CNIH3: variants seen among roughly 807,000 people sequenced by gnomAD.
CNIH3 encodes cornichon family AMPA receptor auxiliary protein 3.
Under a neutral mutation model 24.1 loss-of-function variants are expected in CNIH3, and 14 were observed. The ratio of observed to expected loss-of-function variants is 0.58; its 90% confidence interval spans 0.38 to 0.91. The LOEUF is 0.91. CNIH3 is among the 40% of genes least tolerant of loss of function. CNIH3 has a pLI of 0.00. For synonymous variants in CNIH3, 68 were observed against 73.8 expected, an observed-to-expected ratio of 0.92 and a Z score of 0.40; for missense variants, 178 against 196.8, an observed-to-expected ratio of 0.90 and a Z score of 0.57.
At chr1:224,651,647 A>G (rs1212006729) in intron 1 of CNIH3, among the ~76,000 whole-genome samples, 2 of 152,184 alleles carry the variant, frequency 1.3e-5, no homozygotes, top group Admixed American at 6.5e-5. Flanking sequence ...ATAATGGCTC[A>G]TGGAGTCCCT....
chr1:224,722,758 G>A (rs555553346), intron 3 of CNIH3, among the ~76,000 whole-genome samples: 69 of 152,288 alleles, frequency 4.5e-4, no homozygotes, highest in Admixed American at 2.4e-3. Context: ...TAAAAGATGA[G>A]GAAGCTTAAA....
At chr1:224,700,562 C>G (rs140986357) in intron 3 of CNIH3, among the ~76,000 whole-genome samples, 1 of 152,282 alleles carries the variant, frequency 6.6e-6, no homozygotes, top group Non-Finnish European at 1.5e-5. Context: ...CTCATTATCC[C>G]AGATGTGCTT....
intron 1 of CNIH3, among the ~76,000 whole-genome samples, chr1:224,500,579 GGGAGGATGGCTTGAACTCAGGGGGC>G (rs1162521280): frequency 6.6e-6 from 1 of 152,074 alleles, no homozygotes; most frequent in African/African-American, 2.4e-5. Flanking sequence ...AGGCTGAGGA[GGGAGGATGGCTTGAACTCAGGGGGC>G]GGAGGTTGCA....
intron 1 of CNIH3, 99 bp downstream of exon 1, chr1:224,617,354 G>A: frequency 7.5e-7 from 1 of 1,331,606 alleles, no homozygotes; most frequent in Non-Finnish European, 1.1e-6. Context: ...GGGCGAACCG[G>A]AAGGTTGGAC....
chr1:224,436,473 G>A (rs1314126709), intron 1 of CNIH3, among the ~76,000 whole-genome samples: 1 of 152,198 alleles, frequency 6.6e-6, no homozygotes, highest in African/African-American at 2.4e-5. Flanking sequence ...TCACTTCATG[G>A]CAGCTACAGA....
chr1:224,528,249 G>A (rs527809185), intron 2 of CNIH3, among the ~76,000 whole-genome samples: 3 of 152,268 alleles, frequency 2.0e-5, no homozygotes, highest in Admixed American at 2.0e-4. Context: ...GGGTGACAGT[G>A]CAAGGCTCTG....
intron 3 of CNIH3, among the ~76,000 whole-genome samples, chr1:224,692,750 G>C (rs1235237393): frequency 6.6e-6 from 1 of 152,242 alleles, no homozygotes; most frequent in Admixed American, 6.5e-5. Context: ...TTTCTTAAGT[G>C]ATAGAGCTGG....
chr1:224,583,784 T>C (rs930743950), intron 5 of CNIH3, among the ~76,000 whole-genome samples: 29 of 152,214 alleles, frequency 1.9e-4, no homozygotes, highest in African/African-American at 7.0e-4. Context: ...ATCCATGAAA[T>C]AGAAGGTGAT....
At chr1:224,716,325 A>C (rs1467408780) in intron 3 of CNIH3, among the ~76,000 whole-genome samples, 2 of 152,194 alleles carry the variant, frequency 1.3e-5, no homozygotes, top group African/African-American at 4.8e-5. Context: ...ATTCTCCTTC[A>C]TAAAAACATG....
At chr1:224,681,359 T>G (rs1686392350) in intron 2 of CNIH3, among the ~76,000 whole-genome samples, 1 of 152,210 alleles carries the variant, frequency 6.6e-6, no homozygotes, top group African/African-American at 2.4e-5. Flanking sequence ...CCAGCATGTT[T>G]GCAGGCACGT....
chr1:224,595,104 G>A (rs1471876136), intron 3 of CNIH3, among the ~76,000 whole-genome samples: 1 of 152,114 alleles, frequency 6.6e-6, no homozygotes, highest in Non-Finnish European at 1.5e-5. Context: ...TGGAGTGCAG[G>A]GAAGTGATCA....
At chr1:224,468,596 G>A (rs1269385660) in intron 1 of CNIH3, among the ~76,000 whole-genome samples, 1 of 151,948 alleles carries the variant, frequency 6.6e-6, no homozygotes, top group Admixed American at 6.6e-5. Flanking sequence ...TCTACAAATA[G>A]GGACAATTTT....
chr1:224,532,706 T>A (rs1037082580), intron 2 of CNIH3, among the ~76,000 whole-genome samples: 3 of 152,202 alleles, frequency 2.0e-5, no homozygotes, highest in Non-Finnish European at 2.9e-5. Flanking sequence ...TTTTAAATGA[T>A]CTAGGAGATA....
chr1:224,691,625 A>G (rs1057139930), intron 3 of CNIH3, among the ~76,000 whole-genome samples: 3 of 152,200 alleles, frequency 2.0e-5, no homozygotes, highest in Non-Finnish European at 4.4e-5. Flanking sequence ...GCAAGTATAA[A>G]TGGTTATTGT....
chr1:224,640,999 A>G (rs545477321), intron 1 of CNIH3, among the ~76,000 whole-genome samples: 1 of 152,268 alleles, frequency 6.6e-6, no homozygotes, highest in East Asian at 1.9e-4. Flanking sequence ...ATTATACCGT[A>G]TTCTTTTACT....
At chr1:224,720,141 C>T (rs577351385) in intron 3 of CNIH3, among the ~76,000 whole-genome samples, 1 of 152,262 alleles carries the variant, frequency 6.6e-6, no homozygotes, top group South Asian at 2.1e-4. Context: ...GCCAGAACTT[C>T]CCATTCTCAT....
In CNIH3 at chr1:224,492,296, A is replaced by G. The variant is rs74388930; in HGVS notation, n.204-23445A>G. Among the ~76,000 whole-genome samples, 1,187 of 152,338 alleles carry G rather than the reference A, an allele frequency of 7.8e-3. 5 individuals are homozygous for G. Among genetic ancestry groups the G allele is most frequent in the Non-Finnish European group, 0.014 (945 of 68,028 alleles). On this transcript the variant is annotated intron_variant and non_coding_transcript_variant, in intron 1 of 5. Transcript: ENST00000471578. ...CTGGTTGTTAAACACTTACCGACAC[A>G]TTACTGTGTGTAGGCATTCCTCCCC... is the stretch of plus-strand genomic sequence containing the variant.
At chr1:224,543,074 G>T (rs1360218056) in intron 2 of CNIH3, among the ~76,000 whole-genome samples, 1 of 152,228 alleles carries the variant, frequency 6.6e-6, no homozygotes, top group Non-Finnish European at 1.5e-5. Context: ...GGAGCTTTGA[G>T]CTATGTGATA....
chr1:224,550,243 T>C (rs1033179806), intron 3 of CNIH3, among the ~76,000 whole-genome samples: 5 of 152,046 alleles, frequency 3.3e-5, no homozygotes, highest in African/African-American at 1.2e-4. Context: ...CTAGATTTTA[T>C]AGAAAATAGG....
Sources: gnomAD v4.1 joint callset for allele counts (sites outside exome capture counted in the v4.1 genomes callset) on GRCh38, gnomAD v4.1.1 for gene constraint, MANE v1.5 for transcripts, NCBI Gene and HGNC (gene_info 2026-07-23, HGNC 2026-07-21) for gene names.